RXFP1: variants seen among roughly 807,000 people sequenced by gnomAD.
The protein encoded by RXFP1 is relaxin receptor 1.
A neutral mutation model predicts 89.8 loss-of-function variants in RXFP1; 73 were observed. That is an observed-to-expected ratio of 0.81 (90% CI 0.67 to 0.99). The LOEUF (loss-of-function observed/expected upper bound fraction) is 0.99. Among genes scored for constraint, RXFP1 ranks in the 50% least tolerant of loss-of-function variants. The pLI is 0.00. For missense variants in RXFP1, 793 were observed against 895.5 expected, an observed-to-expected ratio of 0.89 and a Z score of 1.46; for synonymous variants, 277 against 305.5, an observed-to-expected ratio of 0.91 and a Z score of 0.97.
intron 1 of RXFP1, among the ~76,000 whole-genome samples, chr4:158,540,722 G>T (rs1461798377): frequency 6.6e-6 from 1 of 151,772 alleles, no homozygotes; most frequent in African/African-American, 2.4e-5. Flanking sequence ...AAAGCCCACA[G>T]CGCACATCTG....
At chr4:158,551,584 T>C (rs993190287) in intron 1 of RXFP1, among the ~76,000 whole-genome samples, 2 of 152,170 alleles carry the variant, frequency 1.3e-5, no homozygotes, top group Admixed American at 6.5e-5. Flanking sequence ...TGTATACATA[T>C]ATCAAAAAAC....
At chr4:158,650,066 AAGG>A (rs1772355986) in intron 17 of RXFP1, among the ~76,000 whole-genome samples, 1 of 152,262 alleles carries the variant, frequency 6.6e-6, no homozygotes, top group South Asian at 2.1e-4. Flanking sequence ...CTTGTAAAGG[AAGG>A]AGATTTTGAC....
At chr4:158,596,897 C>T (rs944337234) in intron 3 of RXFP1, among the ~76,000 whole-genome samples, 2 of 151,992 alleles carry the variant, frequency 1.3e-5, no homozygotes, top group Admixed American at 6.6e-5. Context: ...TATATTTTTG[C>T]GTGATCCTGC....
chr4:158,625,943 A>G (rs1466067496), intron 9 of RXFP1, among the ~76,000 whole-genome samples: 1 of 152,078 alleles, frequency 6.6e-6, no homozygotes, highest in African/African-American at 2.4e-5. Context: ...CCATATACTC[A>G]CTTATGAAAG....
At chr4:158,540,756 C>T (rs9991174) in intron 1 of RXFP1, among the ~76,000 whole-genome samples, 5,742 of 152,096 alleles carry the variant, frequency 0.038, 352 homozygotes, top group African/African-American at 0.13. Context: ...ATGACCCTCC[C>T]TGCCCCGCAG....
In RXFP1 at chr4:158,538,804, C is replaced by CAAA. The variant is rs10603295; in HGVS notation, c.49+16795_49+16797dup. On this transcript the variant is annotated intron_variant, in intron 1 of 17. Transcript: ENST00000307765. ...GGGCAACAAGAGTGAAATGCCGTCT[C>CAAA]AAAAAAAAAAAAAAAAAAGAATAGG... Among the ~76,000 whole-genome samples the CAAA allele has an allele frequency of 3.5e-5, 3 of 85,076 alleles. No homozygotes were observed. The East Asian group carries it at 1.6e-3, about 45-fold the overall frequency. The allele number at this position is 85,076 out of a possible 152,430, so 55.8% of individuals were successfully genotyped here. A position where few individuals can be genotyped will look rare whatever the true frequency, so the allele number is the denominator to read the frequency against.
In RXFP1 at chr4:158,646,799, T is replaced by A. The variant is rs947293109; in HGVS notation, c.1354T>A (p.Cys452Ser). The stretch of plus-strand genomic sequence containing the variant: ...AACTATGACTCCTCTAGGTGCCGAC[T>A]GCTTAATGGGAATATATTTATTCGT... Reference protein sequence around the residue: ...MSIISLCCADCLMGIYLFVIG... With the variant: ...MSIISLCCADSLMGIYLFVIG... The change falls in exon 16 of 18, where the codon TGC (cysteine) becomes AGC (serine). Residue 452 changes from cysteine to serine, a missense_variant. By Grantham distance (112) the Cys-to-Ser change is moderately radical. Coordinates refer to ENST00000307765, the MANE Select transcript of RXFP1 (RefSeq NM_021634.4). 1.3e-6 allele frequency: 2 copies of A among 1,599,686 alleles called. No individual in the cohort carries two copies. The highest frequency in any genetic ancestry group is 2.2e-5 in the South Asian group (2 of 89,480).
chr4:158,632,630 C>A (rs1768287582), intron 11 of RXFP1, among the ~76,000 whole-genome samples: 1 of 152,074 alleles, frequency 6.6e-6, no homozygotes, highest in Non-Finnish European at 1.5e-5. Flanking sequence ...GTTAAGCAGA[C>A]CCTCTACACA....
At chr4:158,610,039 A>G (rs928827576) in intron 6 of RXFP1, among the ~76,000 whole-genome samples, 6 of 152,034 alleles carry the variant, frequency 3.9e-5, no homozygotes, top group Admixed American at 3.9e-4. Flanking sequence ...GCTGAGGTGG[A>G]AGGATCACGA....
intron 1 of RXFP1, among the ~76,000 whole-genome samples, chr4:158,568,525 T>C (rs1467167093): frequency 6.6e-5 from 10 of 152,204 alleles, no homozygotes. Flanking sequence ...AATAAAGATA[T>C]AAAAAGTTAG....
intron 8 of RXFP1, among the ~76,000 whole-genome samples, chr4:158,614,516 C>T (rs1764181470): frequency 6.6e-6 from 1 of 152,196 alleles, no homozygotes; most frequent in Non-Finnish European, 1.5e-5. Flanking sequence ...GAGACAGCTT[C>T]TTTCCTTTCC....
At chr4:158,592,843 C>A (rs1412913705) in intron 2 of RXFP1, among the ~76,000 whole-genome samples, 1 of 151,970 alleles carries the variant, frequency 6.6e-6, no homozygotes, top group African/African-American at 2.4e-5. Context: ...GTAATCCCAA[C>A]ACTTTGGGGG....
Position 158,612,160 on chromosome 4 carries a change from G to A in RXFP1, c.567G>A (p.Leu189=). The A allele has an allele frequency of 6.2e-7, 1 of 1,611,180 alleles. No homozygotes were observed. The highest frequency in any genetic ancestry group is 8.5e-7 in the Non-Finnish European group (1 of 1,179,156). Reference sequence around the variant, plus strand: ...TCAGTCATAACAGAATAACCTTCCTGAAGCCGGGTGTTTTTGAAGATCTTC... The same window carrying A: ...TCAGTCATAACAGAATAACCTTCCTAAAGCCGGGTGTTTTTGAAGATCTTC... ...LYLSHNRITF[L]KPGVFEDLHR... The change falls in exon 7 of 18, where the codon CTG becomes CTA. Residue 189 remains leucine (L), a synonymous_variant. Transcript: ENST00000307765.
intron 1 of RXFP1, among the ~76,000 whole-genome samples, chr4:158,526,619 T>C (rs1742564885): frequency 6.6e-6 from 1 of 152,228 alleles, no homozygotes; most frequent in Non-Finnish European, 1.5e-5. Flanking sequence ...ATGTTAGAAC[T>C]TGGTATTTTC....
chr4:158,599,314 C>A lies in RXFP1; in HGVS notation c.287-12C>A, dbSNP rs1443738193. ...CACTGTCATCATGCCTTACCACTTC[C>A]CCTTGATTCAGTGGTCGGTTCTGTG... On this transcript the variant is annotated splice_polypyrimidine_tract_variant and intron_variant, in intron 3 of 17. Coordinates refer to ENST00000307765, the MANE Select transcript of RXFP1 (RefSeq NM_021634.4). The A allele has an allele frequency of 1.2e-6, 2 of 1,613,534 alleles. No homozygotes were observed.
chr4:158,563,496 GCACACACACACACACACA>G (rs145181248), intron 1 of RXFP1, among the ~76,000 whole-genome samples: 8 of 142,410 alleles, frequency 5.6e-5, no homozygotes, highest in Non-Finnish European at 9.2e-5. Flanking sequence ...AGAATTCAAT[GCACACACACACACACACA>G]CACACACACA....
intron 15 of RXFP1, 74 bp downstream of exon 15, chr4:158,645,212 T>A: frequency 8.8e-7 from 1 of 1,129,956 alleles, no homozygotes; most frequent in Non-Finnish European, 1.3e-6. Flanking sequence ...AAATAAGTTG[T>A]GTGAGTGGTA....
At position 158,626,868 on chromosome 4, in the gene RXFP1, T is replaced by C; in HGVS notation, c.804T>C (p.Ile268=). The stretch of plus-strand genomic sequence containing the variant: ...ATAATTTAAGAAATTTGACTTTTAT[T>C]TCCTGCAGTAATTTAACTGTTTTGT... ...HIHNLRNLTF[I]SCSNLTVLVM... Residue 268 remains isoleucine, a synonymous_variant, in exon 10 of 18, where the codon ATT becomes ATC. Transcript: ENST00000307765. 1 of 1,541,786 alleles carries C rather than the reference T, an allele frequency of 6.5e-7. No homozygotes were observed. Among genetic ancestry groups the C allele is most frequent in the Non-Finnish European group, 8.8e-7 (1 of 1,130,808 alleles).
At chr4:158,529,458 C>T (rs1037216587) in intron 1 of RXFP1, among the ~76,000 whole-genome samples, 11 of 151,988 alleles carry the variant, frequency 7.2e-5, no homozygotes, top group African/African-American at 2.4e-4. Flanking sequence ...GGGAGTTTCA[C>T]CATGTTGCCC....
Sources: allele counts gnomAD v4.1 joint callset (sites outside exome capture counted in the v4.1 genomes callset), GRCh38; gene constraint gnomAD v4.1.1; transcripts MANE v1.5; gene names NCBI Gene and HGNC (gene_info 2026-07-23, HGNC 2026-07-21).